The following COL14A1 variants were observed in gnomAD, a reference collection of about 807,000 sequenced individuals.
The protein encoded by COL14A1 is collagen type XIV alpha 1 chain, also known as collagen alpha-1(XIV) chain.
In COL14A1, 136 loss-of-function variants were observed where a neutral mutation model predicts 230.3. The ratio of observed to expected loss-of-function variants is 0.59; its 90% CI spans 0.51 to 0.68. COL14A1 has a LOEUF of 0.68. COL14A1 is among the 30% of genes least tolerant of loss of function. COL14A1 has a pLI of 0.00. For missense variants in COL14A1, 1,976 were observed against 2,215.8 expected, an observed-to-expected ratio of 0.89 and a Z score of 2.17; for synonymous variants, 792 against 784.1, an observed-to-expected ratio of 1.01 and a Z score of -0.17.
intron 14 of COL14A1, among the ~76,000 whole-genome samples, chr8:120,218,491 G>A (rs1817834087): frequency 6.6e-6 from 1 of 151,772 alleles, no homozygotes; most frequent in Middle Eastern, 3.2e-3. Context: ...TGCATTTTTA[G>A]TAGAGACAGG....
At chr8:120,278,702 A>G (rs1819934305) in intron 28 of COL14A1, 124 bp downstream of exon 28, 1 of 960,796 alleles carries the variant, frequency 1.0e-6, no homozygotes, top group African/African-American at 1.7e-5. Flanking sequence ...TATTAACTAG[A>G]CAGTGTAATT....
chr8:120,141,852 A>T (rs959970099), intron 1 of COL14A1, among the ~76,000 whole-genome samples: 1 of 152,186 alleles, frequency 6.6e-6, no homozygotes, highest in African/African-American at 2.4e-5. Flanking sequence ...TTTTTCTTCT[A>T]CATTAAAACA....
chr8:120,149,097 A>G (rs539798951), intron 2 of COL14A1, among the ~76,000 whole-genome samples: 2 of 152,370 alleles, frequency 1.3e-5, no homozygotes, highest in South Asian at 2.1e-4. Context: ...GTGCAAAGTG[A>G]TATTATTAGA....
At chr8:120,247,049 A>G (rs1818788342) in intron 20 of COL14A1, among the ~76,000 whole-genome samples, 1 of 152,218 alleles carries the variant, frequency 6.6e-6, no homozygotes, top group South Asian at 2.1e-4. Context: ...TAACTGATGA[A>G]TAGGGAATCA....
chr8:120,147,935 T>C lies in COL14A1; in HGVS notation c.88+5T>C, dbSNP rs1563635551. 1.2e-6 allele frequency: 2 copies of C among 1,606,496 alleles called. No individual in the cohort carries two copies. Among genetic ancestry groups the C allele is most frequent in the East Asian group, 4.5e-5 (2 of 44,780 alleles). ...GCACCATTGTCCAAGGTCAAGGTAA[T>C]TGAAAACTTTGAGAATCAGTAGGGT... On this transcript the variant is annotated splice_donor_5th_base_variant and intron_variant, in intron 2 of 47. Transcript: ENST00000297848.
intron 36 of COL14A1, among the ~76,000 whole-genome samples, chr8:120,301,320 T>G (rs1415074340): frequency 6.6e-6 from 1 of 152,110 alleles, no homozygotes; most frequent in Non-Finnish European, 1.5e-5. Context: ...AGTCTAGTAC[T>G]CAATAGCTAT....
intron 1 of COL14A1, among the ~76,000 whole-genome samples, chr8:120,133,107 A>G (rs1235389724): frequency 1.3e-5 from 2 of 151,754 alleles, no homozygotes; most frequent in African/African-American, 4.8e-5. Context: ...TCCCAGCTAC[A>G]CAGGAGGCTG....
At position 120,209,736 on chromosome 8, in the gene COL14A1, T is replaced by A. The variant is rs765487650; in HGVS notation, c.1322-20T>A. On this transcript the variant is annotated intron_variant, in intron 11 of 47. Transcript: ENST00000297848. ...ACACATATATAAGTGGCTCAACATT[T>A]AAAAAAAAATCTCTTGCAGTTGCTT... 17 of 1,582,610 alleles carry A rather than the reference T, an allele frequency of 1.1e-5. No homozygotes were observed. Among genetic ancestry groups the A allele is most frequent in the Admixed American group, 1.8e-5 (1 of 54,788 alleles).
chr8:120,177,721 C>CTA (rs970001161), intron 5 of COL14A1, among the ~76,000 whole-genome samples: 6 of 132,284 alleles, frequency 4.5e-5, no homozygotes, highest in Admixed American at 2.4e-4. Flanking sequence ...TACATACACA[C>CTA]TATATATATA....
chr8:120,332,887 A>G, intron 42 of COL14A1, 152 bp downstream of exon 42: 1 of 602,572 alleles, frequency 1.7e-6, no homozygotes, highest in East Asian at 2.9e-5. Context: ...AGCTTCTAGG[A>G]TAAAGATGAA....
intron 1 of COL14A1, among the ~76,000 whole-genome samples, chr8:120,135,707 CT>C: frequency 6.6e-6 from 1 of 151,980 alleles, no homozygotes; most frequent in Non-Finnish European, 1.5e-5. Flanking sequence ...TAAAGACATT[CT>C]AACAGAGTAC....
At chr8:120,177,436 G>A in intron 5 of COL14A1, among the ~76,000 whole-genome samples, 1 of 151,876 alleles carries the variant, frequency 6.6e-6, no homozygotes, top group African/African-American at 2.4e-5. Flanking sequence ...ATCACTTGAG[G>A]CCACGAGTTC....
intron 5 of COL14A1, among the ~76,000 whole-genome samples, chr8:120,179,339 A>C (rs1816388797): frequency 6.6e-6 from 1 of 152,240 alleles, no homozygotes; most frequent in Non-Finnish European, 1.5e-5. Context: ...ACTTCAACAA[A>C]GTCTCAAGAT....
chr8:120,314,504 A>C (rs1821146740), intron 38 of COL14A1, among the ~76,000 whole-genome samples: 1 of 152,238 alleles, frequency 6.6e-6, no homozygotes, highest in Admixed American at 6.5e-5. Context: ...GATGTATTTT[A>C]TATAGCTGCA....
intron 12 of COL14A1, among the ~76,000 whole-genome samples, chr8:120,211,361 A>G (rs1371710906): frequency 1.3e-5 from 2 of 152,202 alleles, no homozygotes; most frequent in African/African-American, 4.8e-5. Context: ...TCAAAATGTA[A>G]TATTAACACA....
chr8:120,285,738 TCAC>T (rs895653753), intron 32 of COL14A1, 120 bp from the exon 33 acceptor site: 1 of 672,098 alleles, frequency 1.5e-6, no homozygotes, highest in African/African-American at 1.8e-5. Flanking sequence ...TCCTTACTCA[TCAC>T]ATCATTCTAA....
At chr8:120,227,150 T>C in intron 16 of COL14A1, 70 bp from the exon 17 acceptor site, 1 of 1,550,166 alleles carries the variant, frequency 6.5e-7, no homozygotes, top group Non-Finnish European at 8.7e-7. Context: ...TTGCTTATGC[T>C]CAGAATAACA....
At chr8:120,346,241 G>A (rs537107427) in intron 45 of COL14A1, among the ~76,000 whole-genome samples, 2 of 152,148 alleles carry the variant, frequency 1.3e-5, no homozygotes, top group African/African-American at 2.4e-5. Context: ...ACATCTACAG[G>A]TCTTAGAAGT....
chr8:120,284,338 G>T (rs1820128853), intron 32 of COL14A1, among the ~76,000 whole-genome samples: 1 of 152,218 alleles, frequency 6.6e-6, no homozygotes, highest in Non-Finnish European at 1.5e-5. Context: ...ATGTTTGGAG[G>T]TTGGAAACGT....
Sources: gnomAD v4.1 joint callset for allele counts (sites outside exome capture counted in the v4.1 genomes callset) on GRCh38, gnomAD v4.1.1 for gene constraint, MANE v1.5 for transcripts, NCBI Gene and HGNC (gene_info 2026-07-23, HGNC 2026-07-21) for gene names.